Variants in PITPNC1 observed in about 807,000 individuals in gnomAD.
The protein encoded by PITPNC1 is phosphatidylinositol transfer protein cytoplasmic 1.
In PITPNC1, 18 loss-of-function variants were observed where a neutral mutation model predicts 44.7. The observed-to-expected ratio is 0.40, with a 90% CI of 0.28 to 0.60. The LOEUF is 0.60. Among genes scored for constraint, PITPNC1 ranks in the 20% least tolerant of loss-of-function variants. The pLI is 0.39. For missense variants in PITPNC1, 290 were observed against 418.4 expected, an observed-to-expected ratio of 0.69 and a Z score of 2.68; for synonymous variants, 141 against 149.6, an observed-to-expected ratio of 0.94 and a Z score of 0.42.
intron 6 of PITPNC1, among the ~76,000 whole-genome samples, chr17:67,647,463 G>GTTTTTTTTTTTTTTTTTTTT (rs1567757487): frequency 2.2e-5 from 2 of 90,598 alleles, no homozygotes; most frequent in African/African-American, 1.0e-4. Flanking sequence ...GCTAATTTTG[G>GTTTTTTTTTTTTTTTTTTTT]GTTTTTTTTT....
Position 67,500,190 on chromosome 17 carries a change from G to A in PITPNC1, c.49-32612G>A, listed in dbSNP as rs148895051. The stretch of plus-strand genomic sequence containing the variant: ...TCTGTTTCTTGTTTTGTCAGTTTTC[G>A]GCAATATTCTCTTTCCTTTCTAAAT... On this transcript the variant is annotated intron_variant, in intron 1 of 8. Coordinates refer to ENST00000581322, the MANE Select transcript of PITPNC1 (RefSeq NM_012417.4). Among the ~76,000 whole-genome samples, 445 of 152,124 alleles carry A rather than the reference G, an allele frequency of 2.9e-3. 1 individual carries two copies. The highest frequency in any genetic ancestry group is 1.0e-2 in the African/African-American group (414 of 41,488).
chr17:67,400,517 T>C (rs1416601375), intron 1 of PITPNC1, among the ~76,000 whole-genome samples: 1 of 152,226 alleles, frequency 6.6e-6, no homozygotes, highest in Non-Finnish European at 1.5e-5. Flanking sequence ...AGCATTTTTT[T>C]AAAACGCATT....
chr17:67,562,942 TC>T (rs2040924851), intron 4 of PITPNC1, among the ~76,000 whole-genome samples: 1 of 152,232 alleles, frequency 6.6e-6, no homozygotes, highest in African/African-American at 2.4e-5. Context: ...CTACCAACTG[TC>T]TGTATACACA....
chr17:67,603,754 AC>A (rs1339259968), intron 5 of PITPNC1, among the ~76,000 whole-genome samples: 2 of 152,066 alleles, frequency 1.3e-5, no homozygotes, highest in African/African-American at 4.8e-5. Flanking sequence ...ACAAGGTGAA[AC>A]CCTGTCTCTA....
chr17:67,668,849 G>A (rs1015370528), intron 6 of PITPNC1, among the ~76,000 whole-genome samples: 10 of 151,758 alleles, frequency 6.6e-5, no homozygotes, highest in African/African-American at 1.9e-4. Flanking sequence ...GCGACAGAGC[G>A]AGACTCCATC....
At chr17:67,455,945 G>C (rs983754831) in intron 1 of PITPNC1, among the ~76,000 whole-genome samples, 1 of 152,114 alleles carries the variant, frequency 6.6e-6, no homozygotes, top group Non-Finnish European at 1.5e-5. Context: ...AACATGTACA[G>C]ATAATAATGA....
chr17:67,580,456 C>T lies in PITPNC1; in HGVS notation c.366+2199C>T, dbSNP rs571754295. On this transcript the variant is annotated intron_variant, in intron 5 of 8. Transcript: ENST00000581322. ...CACCTCCTGGGCTCAAGCAATCCTC[C>T]CACCTCAGCCCCCCTACTGGGACTA... Among the ~76,000 whole-genome samples the T allele has an allele frequency of 2.0e-5, 3 of 152,268 alleles. No individual in the cohort carries two copies. The South Asian group carries it at 6.2e-4, about 32-fold the overall frequency.
intron 1 of PITPNC1, among the ~76,000 whole-genome samples, chr17:67,474,791 A>G (rs377190895): frequency 1.3e-5 from 2 of 151,176 alleles, no homozygotes; most frequent in East Asian, 3.9e-4. Context: ...AGAAGCTAGG[A>G]CTGCAGGTGC....
intron 1 of PITPNC1, among the ~76,000 whole-genome samples, chr17:67,424,132 G>T (rs2038710379): frequency 6.9e-6 from 1 of 144,824 alleles, no homozygotes; most frequent in South Asian, 2.3e-4. Flanking sequence ...AGGAGCTCAA[G>T]AATAAAAGTG....
intron 4 of PITPNC1, among the ~76,000 whole-genome samples, chr17:67,575,958 C>T (rs1419053775): frequency 6.9e-6 from 1 of 144,404 alleles, no homozygotes; most frequent in Non-Finnish European, 1.5e-5. Flanking sequence ...CTCACTGCAA[C>T]CTCCACGTCC....
At chr17:67,456,251 G>A (rs1028250270) in intron 1 of PITPNC1, among the ~76,000 whole-genome samples, 15 of 152,010 alleles carry the variant, frequency 9.9e-5, no homozygotes, top group Non-Finnish European at 2.9e-5. Flanking sequence ...TTTCTGTCTG[G>A]TACATGTTTT....
intron 4 of PITPNC1, among the ~76,000 whole-genome samples, chr17:67,577,255 C>T (rs1038340433): frequency 2.0e-5 from 3 of 152,092 alleles, no homozygotes; most frequent in Admixed American, 6.6e-5. Context: ...TGCACCACTG[C>T]ACCCCAGCCT....
rs566565342 is a variant in PITPNC1, at chr17:67,537,152, C to G, written c.197+4202C>G. ...CATTTAATAAATCTGTGTACTTATT[C>G]AGAGTAAAGTCAGGAACACATTAAG... On this transcript the variant is annotated intron_variant, in intron 2 of 8. Coordinates refer to ENST00000581322, the MANE Select transcript of PITPNC1 (RefSeq NM_012417.4). Among the ~76,000 whole-genome samples, 6 of 152,244 alleles carry G rather than the reference C, an allele frequency of 3.9e-5. No homozygotes were observed. In the South Asian group the frequency reaches 1.2e-3, roughly 32 times the overall value.
At chr17:67,451,287 C>T (rs757528808) in intron 1 of PITPNC1, among the ~76,000 whole-genome samples, 1 of 152,158 alleles carries the variant, frequency 6.6e-6, no homozygotes, top group Non-Finnish European at 1.5e-5. Flanking sequence ...CCACCTTGGC[C>T]TCCCAGACTG....
chr17:67,413,882 T>C (rs1184352589), intron 1 of PITPNC1, among the ~76,000 whole-genome samples: 1 of 152,064 alleles, frequency 6.6e-6, no homozygotes, highest in Non-Finnish European at 1.5e-5. Flanking sequence ...TTAAATGAAT[T>C]GGGAATCCCC....
intron 1 of PITPNC1, among the ~76,000 whole-genome samples, chr17:67,512,595 TTTTAGAGTA>T (rs2040202832): frequency 6.6e-6 from 1 of 152,008 alleles, no homozygotes; most frequent in Non-Finnish European, 1.5e-5. Context: ...CTGAACTTGC[TTTTAGAGTA>T]TTTATATTTT....
At chr17:67,386,547 C>CT (rs2038057038) in intron 1 of PITPNC1, among the ~76,000 whole-genome samples, 1 of 152,146 alleles carries the variant, frequency 6.6e-6, no homozygotes, top group African/African-American at 2.4e-5. Context: ...TTCCCCTCTC[C>CT]TAGGGATGTG....
intron 2 of PITPNC1, among the ~76,000 whole-genome samples, chr17:67,544,052 T>C (rs1249486264): frequency 2.0e-5 from 3 of 152,204 alleles, no homozygotes; most frequent in Non-Finnish European, 4.4e-5. Flanking sequence ...GGTTTTGCCA[T>C]GTTGGCCAGG....
chr17:67,522,657 A>ATTT (rs1219049449), intron 1 of PITPNC1, among the ~76,000 whole-genome samples: 1 of 59,972 alleles, frequency 1.7e-5, no homozygotes, highest in Non-Finnish European at 2.9e-5. Flanking sequence ...TACCATTTTA[A>ATTT]TCTTTTTTTT....
Sources: allele counts gnomAD v4.1 joint callset (sites outside exome capture counted in the v4.1 genomes callset), GRCh38; gene constraint gnomAD v4.1.1; transcripts MANE v1.5; gene names NCBI Gene and HGNC (gene_info 2026-07-23, HGNC 2026-07-21).